The following TRPC6 variants were observed in gnomAD, a reference collection of about 807,000 sequenced individuals.
TRPC6 encodes the protein transient receptor potential cation channel subfamily C member 6, also known as short transient receptor potential channel 6.
Under a neutral mutation model 90.7 loss-of-function variants are expected in TRPC6, and 55 were observed. The ratio of observed to expected loss-of-function variants is 0.61; its 90% confidence interval spans 0.49 to 0.76. The LOEUF is 0.76. Ranked by LOEUF, TRPC6 falls within the 30% of genes least tolerant of loss-of-function variation. TRPC6 has a pLI of 0.00. For missense variants in TRPC6, 989 were observed against 1,122.7 expected, an observed-to-expected ratio of 0.88 and a Z score of 1.70; for synonymous variants, 393 against 393.0, an observed-to-expected ratio of 1.00 and a Z score of 0.00.
At chr11:101,571,677 G>C (rs564803854) in intron 1 of TRPC6, among the ~76,000 whole-genome samples, 1 of 152,210 alleles carries the variant, frequency 6.6e-6, no homozygotes, top group Non-Finnish European at 1.5e-5. Context: ...CAGATATACA[G>C]ACCAACAGAA....
chr11:101,579,304 T>C (rs1862140609), intron 1 of TRPC6, among the ~76,000 whole-genome samples: 1 of 152,222 alleles, frequency 6.6e-6, no homozygotes. Context: ...TAAGGTTTGA[T>C]TTATTCTTTT....
intron 1 of TRPC6, among the ~76,000 whole-genome samples, chr11:101,580,004 T>C (rs1202974667): frequency 6.6e-6 from 1 of 152,178 alleles, no homozygotes; most frequent in Admixed American, 6.5e-5. Context: ...TTTCACAAAA[T>C]TGGGAGATGT....
At position 101,558,406 on chromosome 11, in the gene TRPC6, CACAT is replaced by C. The variant is rs796160610; in HGVS notation, c.170+24924_170+24927del. On this transcript the variant is annotated intron_variant, in intron 1 of 12. Transcript: ENST00000344327. Reference sequence around the variant, plus strand: ...GTATACATGTATACATATACACACACACATATACACACACACATATCTACATATA... The same window carrying C: ...GTATACATGTATACATATACACACACATACACACACACATATCTACATATA... Among the ~76,000 whole-genome samples, 129 of 40,362 alleles carry C rather than the reference CACAT, an allele frequency of 3.2e-3. 28 individuals are homozygous for C. The highest frequency in any genetic ancestry group is 0.014 in the African/African-American group (122 of 8,806). 26.5% of individuals were successfully genotyped at this position (40,362 alleles called of 152,430 possible). A position where few individuals can be genotyped will look rare whatever the true frequency, so the allele number is the denominator to read the frequency against.
Position 101,473,509 on chromosome 11 carries a change from G to C in TRPC6, c.2009C>G (p.Thr670Arg). The C allele has an allele frequency of 6.2e-7, 1 of 1,612,960 alleles. No individual in the cohort carries two copies. Among genetic ancestry groups the C allele is most frequent in the Non-Finnish European group, 8.5e-7 (1 of 1,179,338 alleles). ...IGAKQNEAFT[T>R]VEESFKTLFW... The stretch of plus-strand genomic sequence containing the variant: ...CATCAAAATATCTGAGATCACATAC[G>C]TTGTGAAGGCTTCATTTTGTTTTGC... The change falls in exon 7 of 13, where the codon ACA (threonine) becomes AGA (arginine). Residue 670 changes from threonine (T) to arginine (R), a missense_variant and splice_region_variant. This residue lies in a region of TRPC6 where 118 missense variants were observed against 197.6 expected (regional missense o/e 0.60). Coordinates refer to ENST00000344327, the MANE Select transcript of TRPC6 (RefSeq NM_004621.6).
At chr11:101,566,507 G>A (rs1440115056) in intron 1 of TRPC6, among the ~76,000 whole-genome samples, 1 of 152,046 alleles carries the variant, frequency 6.6e-6, no homozygotes, top group Non-Finnish European at 1.5e-5. Context: ...CTTGTTTGTA[G>A]GATTGTTAAA....
At chr11:101,499,346 C>A (rs1189399729) in intron 2 of TRPC6, among the ~76,000 whole-genome samples, 1 of 151,748 alleles carries the variant, frequency 6.6e-6, no homozygotes, top group Non-Finnish European at 1.5e-5. Context: ...GGAAAATGGT[C>A]AAAGCCCATG....
intron 1 of TRPC6, among the ~76,000 whole-genome samples, chr11:101,523,809 G>A (rs1860714832): frequency 6.6e-6 from 1 of 152,160 alleles, no homozygotes; most frequent in African/African-American, 2.4e-5. Flanking sequence ...GTACATACAA[G>A]TAGGAAACAA....
chr11:101,504,331 C>G lies in TRPC6; in HGVS notation c.638G>C (p.Gly213Ala). ...QDDFYAYDED[G>A]TRFSHDVTPI... is the part of the protein sequence containing the mutation. ...AGTCACATCATGGGAGAACCGTGTC[C>G]CATCTTCATCATAGGCATAAAAATC... is the stretch of plus-strand genomic sequence containing the variant. Residue 213 changes from glycine (G) to alanine (A), a missense_variant, in exon 2 of 13, where the codon GGG (glycine) becomes GCG (alanine). This residue lies in a region of TRPC6 where 486 missense variants were observed against 591.9 expected (regional missense o/e 0.82). Transcript: ENST00000344327. 6.2e-7 allele frequency: 1 copy of G among 1,613,990 alleles called. No homozygotes were observed. The highest frequency in any genetic ancestry group is 8.5e-7 in the Non-Finnish European group (1 of 1,179,902).
At position 101,476,321 on chromosome 11, in the gene TRPC6, T is replaced by A. The variant is rs771163499; in HGVS notation, c.1724A>T (p.Asn575Ile). ...KDLTKVTLGD[N>I]VKYYNLARIK... Reference sequence around the variant, plus strand: ...CTCACCCAAATTGTAGTATTTCACATTGTCTCCCAATGTTACTTTCGTCAA... The same window carrying A: ...CTCACCCAAATTGTAGTATTTCACAATGTCTCCCAATGTTACTTTCGTCAA... Residue 575 changes from asparagine to isoleucine, a missense_variant, in exon 6 of 13, where the codon AAT becomes ATT. By Grantham distance (149) the Asn-to-Ile change is moderately radical. Coordinates refer to ENST00000344327, the MANE Select transcript of TRPC6 (RefSeq NM_004621.6). 6 of 1,613,918 alleles carry A rather than the reference T, an allele frequency of 3.7e-6. No individual in the cohort carries two copies. The highest frequency in any genetic ancestry group is 5.1e-6 in the Non-Finnish European group (6 of 1,179,940).
At chr11:101,583,216 C>G (rs1862238600) in intron 1 of TRPC6, 118 bp downstream of exon 1, 1 of 1,469,290 alleles carries the variant, frequency 6.8e-7, no homozygotes, top group African/African-American at 1.4e-5. Context: ...CCAGCACCGT[C>G]CTAGGAGGTA....
chr11:101,518,956 C>T (rs1239574033), intron 1 of TRPC6, among the ~76,000 whole-genome samples: 1 of 152,120 alleles, frequency 6.6e-6, no homozygotes, highest in Non-Finnish European at 1.5e-5. Context: ...ACAAGCTTTG[C>T]ATGTTCTCAC....
intron 1 of TRPC6, among the ~76,000 whole-genome samples, chr11:101,530,392 T>C (rs962507607): frequency 6.6e-6 from 1 of 152,092 alleles, no homozygotes; most frequent in Admixed American, 6.5e-5. Context: ...CGTGATCAGT[T>C]CTGCCTGTCC....
chr11:101,582,177 TCTAA>T (rs2136907173), intron 1 of TRPC6, among the ~76,000 whole-genome samples: 1 of 152,362 alleles, frequency 6.6e-6, no homozygotes, highest in South Asian at 2.1e-4. Flanking sequence ...TGAAACCAGT[TCTAA>T]CTATTCTCCT....
chr11:101,487,252 G>A (rs867478957), intron 4 of TRPC6, among the ~76,000 whole-genome samples: 1 of 152,036 alleles, frequency 6.6e-6, no homozygotes, highest in Admixed American at 6.6e-5. Flanking sequence ...AGAATAGGGA[G>A]AATTCAAAAA....
intron 7 of TRPC6, among the ~76,000 whole-genome samples, chr11:101,472,632 G>A (rs1334113475): frequency 6.6e-6 from 1 of 152,098 alleles, no homozygotes; most frequent in Non-Finnish European, 1.5e-5. Flanking sequence ...AATCCATAGC[G>A]TTGGCAATGG....
intron 2 of TRPC6, among the ~76,000 whole-genome samples, chr11:101,497,321 G>A (rs991322482): frequency 2.0e-5 from 3 of 152,166 alleles, no homozygotes; most frequent in Non-Finnish European, 2.9e-5. Flanking sequence ...ATTCTGCCTC[G>A]CAGACTATTT....
chr11:101,499,603 T>TATATATATAC (rs375026688), intron 2 of TRPC6, among the ~76,000 whole-genome samples: 1,798 of 68,632 alleles, frequency 0.026, 116 homozygotes, highest in African/African-American at 0.058. Context: ...TATACGTATA[T>TATATATATAC]ATGGTATATA....
chr11:101,483,370 C>G (rs1332271811), intron 4 of TRPC6, among the ~76,000 whole-genome samples: 5 of 151,988 alleles, frequency 3.3e-5, no homozygotes, highest in Non-Finnish European at 7.4e-5. Context: ...TGCTGATGTT[C>G]TTGATTAATA....
At chr11:101,453,562 CGCATCTCT>C in intron 12 of TRPC6, 80 bp downstream of exon 12, 1 of 1,225,818 alleles carries the variant, frequency 8.2e-7, no homozygotes, top group East Asian at 2.3e-5. Context: ...TCTCCCTGTA[CGCATCTCT>C]GCAGCTCTCC....
Sources: allele counts gnomAD v4.1 joint callset (sites outside exome capture counted in the v4.1 genomes callset), GRCh38; gene constraint gnomAD v4.1.1; regional missense constraint gnomAD v4.1.1; transcripts MANE v1.5; gene names NCBI Gene and HGNC (gene_info 2026-07-23, HGNC 2026-07-21).